CDH13: variants seen among roughly 807,000 people sequenced by gnomAD.
The protein encoded by CDH13 is cadherin 13.
Under a neutral mutation model 63.8 loss-of-function variants are expected in CDH13, and 24 were observed. That is an observed-to-expected ratio of 0.38 (90% CI 0.27 to 0.53). CDH13 has a LOEUF of 0.53. Ranked by LOEUF, CDH13 falls within the 20% of genes least tolerant of loss-of-function variation. The probability of loss-of-function intolerance (pLI) is 0.85; values close to 1 mark genes in which losing one functional copy is unlikely to be tolerated. For synonymous variants in CDH13, 503 were observed against 355.3 expected, an observed-to-expected ratio of 1.42 and a Z score of -4.67; for missense variants, 1,049 against 903.1, an observed-to-expected ratio of 1.16 and a Z score of -2.07.
chr16:82,715,334 C>A (rs773857508), intron 1 of CDH13, among the ~76,000 whole-genome samples: 73 of 122,730 alleles, frequency 5.9e-4, no homozygotes, highest in Non-Finnish European at 1.0e-3. Flanking sequence ...TCCTGCAGTG[C>A]TTATAGCCAA....
intron 7 of CDH13, among the ~76,000 whole-genome samples, chr16:83,519,556 C>G (rs887429653): frequency 6.6e-6 from 1 of 152,188 alleles, no homozygotes; most frequent in Non-Finnish European, 1.5e-5. Flanking sequence ...GAGTATTAGA[C>G]TAATCCAGTT....
intron 1 of CDH13, among the ~76,000 whole-genome samples, chr16:82,756,911 G>C (rs2034632464): frequency 6.6e-6 from 1 of 152,138 alleles, no homozygotes; most frequent in Admixed American, 6.5e-5. Flanking sequence ...AGCTCTGTGA[G>C]GGCCAGGATT....
chr16:83,668,235 A>ATCAT (rs916729306), intron 8 of CDH13, among the ~76,000 whole-genome samples: 5 of 152,128 alleles, frequency 3.3e-5, no homozygotes, highest in African/African-American at 9.7e-5. Flanking sequence ...TATACTTAAG[A>ATCAT]TCATTCATTC....
chr16:82,795,880 G>A (rs746362034), intron 1 of CDH13, among the ~76,000 whole-genome samples: 2 of 152,056 alleles, frequency 1.3e-5, no homozygotes, highest in Middle Eastern at 3.5e-3. Context: ...TAGGCATTGT[G>A]GGACCCCACA....
At chr16:83,443,961 C>A (rs1016525442) in intron 6 of CDH13, among the ~76,000 whole-genome samples, 1 of 149,600 alleles carries the variant, frequency 6.7e-6, no homozygotes, top group Non-Finnish European at 1.5e-5. Flanking sequence ...ATGGTACCTC[C>A]TATAGAGTCA....
chr16:83,660,514 A>C (rs1913339541), intron 8 of CDH13, among the ~76,000 whole-genome samples: 1 of 152,182 alleles, frequency 6.6e-6, no homozygotes, highest in African/African-American at 2.4e-5. Flanking sequence ...ATGAAGTTTC[A>C]CTGGCTCTCC....
intron 13 of CDH13, among the ~76,000 whole-genome samples, chr16:83,787,119 T>A (rs2151016003): frequency 6.6e-6 from 1 of 152,314 alleles, no homozygotes; most frequent in Middle Eastern, 3.4e-3. Flanking sequence ...TTGTGCAGTT[T>A]GTAAAACCTC....
intron 3 of CDH13, among the ~76,000 whole-genome samples, chr16:83,090,717 G>A (rs1018165205): frequency 1.4e-4 from 21 of 152,040 alleles, no homozygotes; most frequent in Admixed American, 1.3e-3. Context: ...CCGACTGCAC[G>A]AGTTGGTGAT....
chr16:83,338,950 T>C (rs2151353627), intron 5 of CDH13, among the ~76,000 whole-genome samples: 1 of 152,238 alleles, frequency 6.6e-6, no homozygotes, highest in Non-Finnish European at 1.5e-5. Flanking sequence ...AGGTATCCAA[T>C]AGAGGGTGAC....
intron 10 of CDH13, among the ~76,000 whole-genome samples, chr16:83,731,463 C>G (rs1478676769): frequency 6.6e-6 from 1 of 152,130 alleles, no homozygotes. Context: ...CGTATGTGTT[C>G]TTTTGCAAAG....
At chr16:83,210,551 C>T (rs1488726364) in intron 4 of CDH13, among the ~76,000 whole-genome samples, 2 of 151,946 alleles carry the variant, frequency 1.3e-5, no homozygotes, top group Admixed American at 6.6e-5. Flanking sequence ...AAGCCCACCA[C>T]GTACGGCATA....
At chr16:83,746,326 G>A (rs564814745) in intron 10 of CDH13, among the ~76,000 whole-genome samples, 22 of 152,202 alleles carry the variant, frequency 1.4e-4, no homozygotes, top group Middle Eastern at 3.4e-3. Context: ...CTGCCTCCAC[G>A]GTCGTGTGGT....
rs1282784792 is a variant in CDH13 at position 83,799,588 on chromosome 16, G to T, written c.*4558G>T. On this transcript the variant is annotated 3_prime_UTR_variant, in exon 14 of 14. Coordinates refer to ENST00000567109, the MANE Select transcript of CDH13 (RefSeq NM_001257.5). ...AACAGGAAACCCAAGCACTAAAAAA[G>T]CCACCTACCTTTTCTGTTTACCAAA... The T allele has an allele frequency of 6.6e-6, 1 of 152,096 alleles. No individual in the cohort carries two copies. Among genetic ancestry groups the T allele is most frequent in the Non-Finnish European group, 1.5e-5 (1 of 68,024 alleles). The allele number at this position is 152,096 out of a possible 1,614,324, so 9.4% of individuals were successfully genotyped here.
intron 1 of CDH13, among the ~76,000 whole-genome samples, chr16:82,641,841 A>G (rs1234947131): frequency 1.3e-5 from 2 of 152,154 alleles, no homozygotes; most frequent in African/African-American, 4.8e-5. Flanking sequence ...TGGCTGGGAG[A>G]GAGACAATAA....
intron 5 of CDH13, among the ~76,000 whole-genome samples, chr16:83,318,710 C>G (rs961936538): frequency 6.6e-6 from 1 of 152,112 alleles, no homozygotes; most frequent in African/African-American, 2.4e-5. Context: ...TGGTGGGTTC[C>G]AGTATGTATT....
rs983106092 is a variant in CDH13 at position 83,490,555 on chromosome 16, A to G, written c.960+3900A>G. On this transcript the variant is annotated intron_variant, in intron 7 of 13. Coordinates refer to ENST00000567109, the MANE Select transcript of CDH13 (RefSeq NM_001257.5). ...CCTGCTCCAAGGATTGGCAGCCACT[A>G]TTCTTGAAAGAGTCTATGGCCTATC... is the stretch of plus-strand genomic sequence containing the variant. 3.3e-5 allele frequency among the ~76,000 whole-genome samples: 5 copies of G among 152,150 alleles called. No homozygotes were observed. In the East Asian group the frequency reaches 5.8e-4, roughly 18 times the overall value.
At chr16:83,206,891 C>G (rs891855297) in intron 4 of CDH13, among the ~76,000 whole-genome samples, 7 of 51,268 alleles carry the variant, frequency 1.4e-4, no homozygotes, top group African/African-American at 3.1e-4. Flanking sequence ...TTGACCTTCT[C>G]TGTGCATTCA....
chr16:83,464,665 CTTATTACAAGGAT>C (rs1460708646), intron 6 of CDH13, among the ~76,000 whole-genome samples: 4 of 152,086 alleles, frequency 2.6e-5, no homozygotes, highest in Non-Finnish European at 5.9e-5. Context: ...TGGCCCTCCT[CTTATTACAAGGAT>C]ACCCCAAGGC....
chr16:83,679,967 C>T (rs1021907276), intron 10 of CDH13, among the ~76,000 whole-genome samples: 5 of 152,064 alleles, frequency 3.3e-5, no homozygotes, highest in Non-Finnish European at 5.9e-5. Context: ...GACTAGATGT[C>T]CTACTAAGAT....
Sources: gnomAD v4.1 joint callset for allele counts (sites outside exome capture counted in the v4.1 genomes callset) on GRCh38, gnomAD v4.1.1 for gene constraint, MANE v1.5 for transcripts, NCBI Gene and HGNC (gene_info 2026-07-23, HGNC 2026-07-21) for gene names.